TBC1D1: variants seen among roughly 807,000 people sequenced by gnomAD.
TBC1D1 encodes the protein TBC1 domain family member 1.
Under a neutral mutation model 125.6 loss-of-function variants are expected in TBC1D1, and 89 were observed. The observed-to-expected ratio is 0.71, with a 90% confidence interval of 0.60 to 0.85. The LOEUF (loss-of-function observed/expected upper bound fraction) is 0.85, where lower values mean the gene tolerates loss of function less well. Among genes scored for constraint, TBC1D1 ranks in the 40% least tolerant of loss-of-function variants. TBC1D1 has a pLI of 0.00. For missense variants in TBC1D1, 1,377 were observed against 1,469.2 expected (o/e 0.94, Z 1.03); for synonymous variants, 565 against 564.1 (o/e 1.00, Z -0.02).
chr4:38,052,686 TTACA>T (rs779191815), intron 11 of TBC1D1, among the ~76,000 whole-genome samples: 11 of 149,542 alleles, frequency 7.4e-5, no homozygotes, highest in African/African-American at 1.5e-4. Flanking sequence ...TAGTGGACAC[TTACA>T]TGCATGCGTA....
At chr4:38,077,630 ATTTT>A (rs33926889) in intron 12 of TBC1D1, among the ~76,000 whole-genome samples, 4 of 125,308 alleles carry the variant, frequency 3.2e-5, no homozygotes, top group Admixed American at 1.6e-4. Flanking sequence ...CAAAACCTTA[ATTTT>A]TTTTTTTTTT....
intron 2 of TBC1D1, among the ~76,000 whole-genome samples, chr4:38,012,360 A>G (rs1458734162): frequency 6.6e-6 from 1 of 152,136 alleles, no homozygotes; most frequent in East Asian, 1.9e-4. Context: ...GGCTTACTGC[A>G]GCCTCCATCT....
intron 12 of TBC1D1, among the ~76,000 whole-genome samples, chr4:38,062,305 C>T (rs1752915010): frequency 1.4e-5 from 2 of 148,114 alleles, no homozygotes; most frequent in Admixed American, 1.4e-4. Flanking sequence ...TGTTTTTGAT[C>T]TTGCTATAAT....
intron 12 of TBC1D1, among the ~76,000 whole-genome samples, chr4:38,080,514 G>T (rs962914778): frequency 6.6e-6 from 1 of 152,154 alleles, no homozygotes; most frequent in African/African-American, 2.4e-5. Flanking sequence ...CTGTCCCTTC[G>T]CTGGGCCCCG....
At chr4:38,068,789 A>G (rs1011619014) in intron 12 of TBC1D1, among the ~76,000 whole-genome samples, 1 of 152,214 alleles carries the variant, frequency 6.6e-6, no homozygotes, top group Admixed American at 6.5e-5. Context: ...TGGCTACCAT[A>G]TTGAGAGCAG....
chr4:37,990,445 A>C (rs901388869), intron 2 of TBC1D1, among the ~76,000 whole-genome samples: 3 of 152,186 alleles, frequency 2.0e-5, no homozygotes, highest in Admixed American at 1.3e-4. Context: ...GAACTTGTAA[A>C]ATTTGACTTC....
chr4:38,059,433 T>C (rs1227152085), intron 12 of TBC1D1, among the ~76,000 whole-genome samples: 2 of 152,214 alleles, frequency 1.3e-5, no homozygotes, highest in Non-Finnish European at 2.9e-5. Context: ...GCAAGGCAAA[T>C]GTTTTTGTAA....
At chr4:37,897,337 G>T (rs1263424174) in intron 1 of TBC1D1, among the ~76,000 whole-genome samples, 1 of 152,152 alleles carries the variant, frequency 6.6e-6, no homozygotes, top group East Asian at 1.9e-4. Flanking sequence ...GACAAGTAAT[G>T]TAGATATTCA....
intron 12 of TBC1D1, among the ~76,000 whole-genome samples, chr4:38,075,686 A>G (rs1027850737): frequency 6.6e-6 from 1 of 152,162 alleles, no homozygotes; most frequent in Middle Eastern, 3.2e-3. Flanking sequence ...GGGTGGGGTT[A>G]GATATTTTAG....
Position 38,013,010 on chromosome 4 carries a change from G to A in TBC1D1, c.418-1499G>A, listed in dbSNP as rs555028333. On this transcript the variant is annotated intron_variant, in intron 2 of 19. Transcript: ENST00000261439. Reference sequence around the variant, plus strand: ...GGGTTTCACTATGTTGGCCAGGCTGGTCTCAACCTCCTGACCTCCTGATCT... The same window carrying A: ...GGGTTTCACTATGTTGGCCAGGCTGATCTCAACCTCCTGACCTCCTGATCT... 6.6e-5 allele frequency among the ~76,000 whole-genome samples: 10 copies of A among 151,994 alleles called. No individual in the cohort carries two copies. In the East Asian group the frequency reaches 1.2e-3, roughly 18 times the overall value.
chr4:38,119,126 C>T (rs1017365697), intron 17 of TBC1D1, among the ~76,000 whole-genome samples: 2 of 151,950 alleles, frequency 1.3e-5, no homozygotes, highest in Non-Finnish European at 1.5e-5. Flanking sequence ...CACTTGACAG[C>T]TTAAAAACAT....
At chr4:37,963,874 C>T (rs1730545157) in intron 2 of TBC1D1, among the ~76,000 whole-genome samples, 1 of 152,134 alleles carries the variant, frequency 6.6e-6, no homozygotes, top group Non-Finnish European at 1.5e-5. Context: ...TCTTTTTCCC[C>T]CCAATGGCTC....
chr4:38,052,724 G>GTGCACACACACACACA (rs1362899510), intron 11 of TBC1D1, among the ~76,000 whole-genome samples: 23 of 60,004 alleles, frequency 3.8e-4, no homozygotes, highest in Non-Finnish European at 6.5e-4. Flanking sequence ...GCGCGCGCGC[G>GTGCACACACACACACA]CGCGCACACA....
At chr4:37,948,413 A>C (rs1386608396) in intron 2 of TBC1D1, among the ~76,000 whole-genome samples, 1 of 152,148 alleles carries the variant, frequency 6.6e-6, no homozygotes, top group Non-Finnish European at 1.5e-5. Flanking sequence ...GGATCACTGG[A>C]GGCAAGAGGT....
chr4:38,027,852 G>C lies in TBC1D1; in HGVS notation c.1275G>C (p.Glu425Asp). 1 of 1,613,372 alleles carries C rather than the reference G, an allele frequency of 6.2e-7. No individual in the cohort carries two copies. Among genetic ancestry groups the C allele is most frequent in the Non-Finnish European group, 8.5e-7 (1 of 1,179,674 alleles). Residue 425 changes from glutamate (E) to aspartate (D), a missense_variant, in exon 7 of 20, where the codon GAG becomes GAC. By Grantham distance (45) the Glu-to-Asp change is conservative. This residue lies in a region of TBC1D1 where 822 missense variants were observed against 824.6 expected (regional missense o/e 1.00). Coordinates refer to ENST00000261439, the MANE Select transcript of TBC1D1 (RefSeq NM_015173.4). ...ACCTGACGACATTAACCAATCAGGAGCAGGCGACTATTTTTGAAGAGGTTC... is the reference window on the plus strand; with the variant it reads ...ACCTGACGACATTAACCAATCAGGACCAGGCGACTATTTTTGAAGAGGTTC...
At chr4:38,011,907 T>C (rs1265945321) in intron 2 of TBC1D1, among the ~76,000 whole-genome samples, 3 of 152,260 alleles carry the variant, frequency 2.0e-5, no homozygotes, top group African/African-American at 7.2e-5. Context: ...TTGTGTCATC[T>C]TTTTGTTTGT....
At chr4:37,980,585 C>G (rs1302658784) in intron 2 of TBC1D1, among the ~76,000 whole-genome samples, 1 of 152,076 alleles carries the variant, frequency 6.6e-6, no homozygotes, top group Non-Finnish European at 1.5e-5. Context: ...GCTGGTATCT[C>G]AAGTTGGTAG....
At chr4:38,110,176 C>A (rs1425633043) in intron 15 of TBC1D1, 1 of 984,274 alleles carries the variant, frequency 1.0e-6, no homozygotes, top group East Asian at 1.1e-4. Flanking sequence ...GCTGAAAATG[C>A]AGTCAGATGG....
intron 11 of TBC1D1, 30 bp from the exon 12 acceptor site, chr4:38,051,869 C>A (rs1212977870): frequency 2.0e-6 from 3 of 1,537,260 alleles, no homozygotes; most frequent in East Asian, 4.9e-5. Context: ...TCCTGCTAAC[C>A]CCCCCGTGCT....
Sources: allele counts gnomAD v4.1 joint callset (sites outside exome capture counted in the v4.1 genomes callset), GRCh38; gene constraint gnomAD v4.1.1; regional missense constraint gnomAD v4.1.1; transcripts MANE v1.5; gene names NCBI Gene and HGNC (gene_info 2026-07-23, HGNC 2026-07-21).